The following TTLL4 variants were observed in gnomAD, a reference collection of about 807,000 sequenced individuals.
TTLL4 encodes the protein tubulin tyrosine ligase like 4.
In TTLL4, 85 loss-of-function variants were observed where a neutral mutation model predicts 122.7. The ratio of observed to expected loss-of-function variants is 0.69; its 90% CI spans 0.58 to 0.83. The LOEUF (loss-of-function observed/expected upper bound fraction) is 0.83. Ranked by LOEUF, TTLL4 falls within the 40% of genes least tolerant of loss-of-function variation. The pLI, the probability that TTLL4 is intolerant of heterozygous loss-of-function variation, is 0.00. For missense variants in TTLL4, 1,363 were observed against 1,488.6 expected, an observed-to-expected ratio of 0.92 and a Z score of 1.39; for synonymous variants, 553 against 563.0, an observed-to-expected ratio of 0.98 and a Z score of 0.25.
chr2:218,744,763 G>A (rs1056498784), intron 5 of TTLL4, among the ~76,000 whole-genome samples: 28 of 151,800 alleles, frequency 1.8e-4, no homozygotes, highest in African/African-American at 6.0e-4. Context: ...AGCATAGCAC[G>A]TTCTGCTACT....
chr2:218,751,904 C>CCT, intron 16 of TTLL4, 98 bp downstream of exon 16: 1 of 526,010 alleles, frequency 1.9e-6, no homozygotes, highest in Non-Finnish European at 2.9e-6. Context: ...TTTTTCTTTT[C>CCT]TTTTTCTTTT....
At chr2:218,734,172 ACTTTT>A (rs1942453958) in intron 2 of TTLL4, among the ~76,000 whole-genome samples, 1 of 152,200 alleles carries the variant, frequency 6.6e-6, no homozygotes, top group Non-Finnish European at 1.5e-5. Flanking sequence ...AAGTTACTTA[ACTTTT>A]CTGAGTCTTG....
At chr2:218,729,122 C>T (rs775077730) in intron 2 of TTLL4, among the ~76,000 whole-genome samples, 8 of 151,920 alleles carry the variant, frequency 5.3e-5, no homozygotes, top group South Asian at 4.2e-4. Flanking sequence ...TTAGTAGAGA[C>T]GGGGTTTCGC....
chr2:218,748,072 T>C (rs752493176), intron 11 of TTLL4, 33 bp from the exon 12 acceptor site: 6 of 1,613,986 alleles, frequency 3.7e-6, no homozygotes, highest in Non-Finnish European at 4.2e-6. Flanking sequence ...TCTGTTACCA[T>C]CTTACCTCTG....
chr2:218,715,333 T>G (rs548056467), intron 1 of TTLL4, among the ~76,000 whole-genome samples: 1 of 152,374 alleles, frequency 6.6e-6, no homozygotes, highest in Non-Finnish European at 1.5e-5. Flanking sequence ...AGCATGATTT[T>G]GTAAAGGCTA....
chr2:218,758,218 T>C (rs1943187590), downstream of TTLL4, among the ~76,000 whole-genome samples: 1 of 152,334 alleles, frequency 6.6e-6, no homozygotes, highest in Non-Finnish European at 1.5e-5. Context: ...AAAACCCATC[T>C]GTGTCATAAT....
At chr2:218,746,342 A>G in intron 8 of TTLL4, 111 bp downstream of exon 8, 2 of 1,210,088 alleles carry the variant, frequency 1.7e-6, no homozygotes, top group Non-Finnish European at 2.4e-6. Flanking sequence ...ACCATGGAGA[A>G]GTCAGGAAGG....
At chr2:218,727,384 TA>T (rs1185475495) in intron 2 of TTLL4, 37 bp downstream of exon 2, 2 of 152,194 alleles carry the variant, frequency 1.3e-5, no homozygotes, top group African/African-American at 4.8e-5. Flanking sequence ...AGATTTGTTT[TA>T]AAAATTATTA....
intron 1 of TTLL4, among the ~76,000 whole-genome samples, chr2:218,722,099 T>C (rs1240585466): frequency 1.3e-5 from 2 of 152,042 alleles, no homozygotes; most frequent in South Asian, 2.1e-4. Context: ...CCTGGCAAGA[T>C]AGCAAGACCT....
At chr2:218,732,447 C>A (rs1942407316) in intron 2 of TTLL4, among the ~76,000 whole-genome samples, 1 of 152,142 alleles carries the variant, frequency 6.6e-6, no homozygotes, top group African/African-American at 2.4e-5. Flanking sequence ...ATAAGGGACA[C>A]TGGGAGAAAG....
intron 8 of TTLL4, 23 bp from the exon 9 acceptor site, chr2:218,746,980 A>T: frequency 1.2e-6 from 2 of 1,611,218 alleles, no homozygotes; most frequent in Non-Finnish European, 8.5e-7. Flanking sequence ...CTCTTCCTGC[A>T]CTCACCCTTT....
chr2:218,735,089 T>A (rs1237021868), intron 2 of TTLL4, among the ~76,000 whole-genome samples: 1 of 152,188 alleles, frequency 6.6e-6, no homozygotes, highest in African/African-American at 2.4e-5. Flanking sequence ...AGAGTCCATG[T>A]AGGTCAGCCT....
At chr2:218,731,109 C>CT (rs1410469279) in intron 2 of TTLL4, among the ~76,000 whole-genome samples, 2 of 107,822 alleles carry the variant, frequency 1.9e-5, no homozygotes, top group African/African-American at 4.1e-5. Flanking sequence ...GAGACCTTGT[C>CT]TAAAAAAAAA....
At position 218,751,822 on chromosome 2, in the gene TTLL4, T is replaced by TC. The variant is rs756194246; in HGVS notation, c.2976+22dup. On this transcript the variant is annotated intron_variant, in intron 16 of 19. Coordinates refer to ENST00000392102, the MANE Select transcript of TTLL4 (RefSeq NM_014640.5). Reference sequence around the variant, plus strand: ...TCCTGATCAGGTAGGAGATTGGTCTTCCCCCCAGTGCTAGCAGAAAACTTC... The same window carrying TC: ...TCCTGATCAGGTAGGAGATTGGTCTTCCCCCCCAGTGCTAGCAGAAAACTTC... 3.1e-6 allele frequency: 5 copies of TC among 1,599,720 alleles called. No individual in the cohort carries two copies. The highest frequency in any genetic ancestry group is 1.4e-5 in the African/African-American group (1 of 73,912).
At chr2:218,736,227 A>C (rs1256448292) in intron 2 of TTLL4, 2 of 151,940 alleles carry the variant, frequency 1.3e-5, no homozygotes, top group African/African-American at 4.8e-5. Flanking sequence ...TGCCTGCCTC[A>C]GCCTCCTAAA....
chr2:218,738,062 A>G lies in TTLL4; in HGVS notation c.386A>G (p.Gln129Arg). 1 of 1,614,108 alleles carries G rather than the reference A, an allele frequency of 6.2e-7. No individual in the cohort carries two copies. The highest frequency in any genetic ancestry group is 8.5e-7 in the Non-Finnish European group (1 of 1,180,022). ...TCCAGCTATAGGCAAAAACCGTACC[A>G]GCAACTGGAGTCTTTCTGCTTGCGT... Reference protein sequence around the residue: ...RRSSYRQKPYQQLESFCLRSS... With the variant: ...RRSSYRQKPYRQLESFCLRSS... The change falls in exon 3 of 20, where the codon CAG becomes CGG. Residue 129 changes from glutamine to arginine, a missense_variant. This residue lies in a region of TTLL4 where 760 missense variants were observed against 808.4 expected (regional missense o/e 0.94). Transcript: ENST00000392102.
chr2:218,731,347 G>A (rs2106418470), intron 2 of TTLL4, among the ~76,000 whole-genome samples: 1 of 151,778 alleles, frequency 6.6e-6, no homozygotes, highest in East Asian at 1.9e-4. Flanking sequence ...GGAGGCAGAG[G>A]TTGCAGTGAG....
In TTLL4 at chr2:218,737,601, G is replaced by C. The variant is rs1210620909; in HGVS notation, c.-76G>C. ...CAGACTGACAGACTTCAAGGATGCAGCTGCTACTACCGGAGGTGTGTGGCA... is the reference window on the plus strand; with the variant it reads ...CAGACTGACAGACTTCAAGGATGCACCTGCTACTACCGGAGGTGTGTGGCA... On this transcript the variant is annotated 5_prime_UTR_variant, in exon 3 of 20. Coordinates refer to ENST00000392102, the MANE Select transcript of TTLL4 (RefSeq NM_014640.5). The C allele has an allele frequency of 2.0e-6, 3 of 1,479,320 alleles. No homozygotes were observed. The highest frequency in any genetic ancestry group is 2.3e-5 in the Admixed American group (1 of 44,402). The allele number at this position is 1,479,320 out of a possible 1,614,324, so 91.6% of individuals were successfully genotyped here.
chr2:218,759,438 A>G (rs1367552599), downstream of TTLL4, among the ~76,000 whole-genome samples: 2 of 152,244 alleles, frequency 1.3e-5, no homozygotes, highest in East Asian at 1.9e-4. Context: ...ATGCAACACC[A>G]TGGATGAAGC....
Sources: gnomAD v4.1 joint callset for allele counts (sites outside exome capture counted in the v4.1 genomes callset) on GRCh38, gnomAD v4.1.1 for gene constraint, gnomAD v4.1.1 regional missense constraint, MANE v1.5 for transcripts, NCBI Gene and HGNC (gene_info 2026-07-23, HGNC 2026-07-21) for gene names.